CRX: variants seen among roughly 807,000 people sequenced by gnomAD.
CRX encodes cone-rod homeobox protein.
Under a neutral mutation model 13.1 loss-of-function variants are expected in CRX, and 5 were observed. The observed-to-expected ratio is 0.38, with a 90% CI of 0.20 to 0.80. CRX has a LOEUF of 0.80. Among genes scored for constraint, CRX ranks in the 30% least tolerant of loss-of-function variants. The pLI is 0.43. For synonymous variants in CRX, 179 were observed against 171.1 expected (o/e 1.05, Z -0.36); for missense variants, 351 against 391.8 (o/e 0.90, Z 0.88).
chr19:47,830,296 G>C (rs1266745272), intron 1 of CRX, among the ~76,000 whole-genome samples: 2 of 151,360 alleles, frequency 1.3e-5, no homozygotes, highest in African/African-American at 4.9e-5. Flanking sequence ...ATGACAGAGG[G>C]AGACCTTGTC....
At chr19:47,837,137 A>G (rs1423081503) in intron 3 of CRX, among the ~76,000 whole-genome samples, 1 of 152,166 alleles carries the variant, frequency 6.6e-6, no homozygotes, top group African/African-American at 2.4e-5. Flanking sequence ...GTGCACATGT[A>G]TGTATACATG....
intron 1 of CRX, among the ~76,000 whole-genome samples, chr19:47,823,121 C>T (rs8112377): frequency 0.33 from 50,707 of 151,862 alleles, 9,896 homozygotes; most frequent in East Asian, 0.79. Context: ...TCTTGATTGA[C>T]ACCTTGTTTC....
At position 47,828,612 on chromosome 19, in the gene CRX, AGC is replaced by A. The variant is rs969448007; in HGVS notation, c.-35-5795_-35-5794del. Among the ~76,000 whole-genome samples, 22 of 149,624 alleles carry A rather than the reference AGC, an allele frequency of 1.5e-4. No individual in the cohort carries two copies. The Middle Eastern group carries it at 0.014, about 93-fold the overall frequency. On this transcript the variant is annotated intron_variant, in intron 1 of 3. Transcript: ENST00000221996. ...GTGTCTTGAAGAAAAGGAGGTAGGG[AGC>A]GTGTGTGTGTGTGTGTAAAATCCAG...
chr19:47,834,926 AC>A (rs1463336969), intron 2 of CRX, among the ~76,000 whole-genome samples: 1 of 148,092 alleles, frequency 6.8e-6, no homozygotes, highest in African/African-American at 2.5e-5. Context: ...CAATCCTCCC[AC>A]CTCAGCCTCC....
intron 1 of CRX, among the ~76,000 whole-genome samples, chr19:47,824,841 T>C: frequency 6.6e-6 from 1 of 151,956 alleles, no homozygotes; most frequent in East Asian, 1.9e-4. Flanking sequence ...TTCCACCCCT[T>C]GAAATCATAA....
intron 1 of CRX, 99 bp from the exon 2 acceptor site, chr19:47,834,310 C>T: frequency 1.3e-6 from 1 of 749,272 alleles, no homozygotes; most frequent in Non-Finnish European, 2.4e-6. Context: ...AGGTCACATA[C>T]CTAAGAGGAG....
At chr19:47,830,077 G>A (rs1051914170) in intron 1 of CRX, among the ~76,000 whole-genome samples, 16 of 149,158 alleles carry the variant, frequency 1.1e-4, no homozygotes, top group African/African-American at 3.9e-4. Context: ...AATATATATG[G>A]TTTGGTCATA....
chr19:47,828,111 G>GC (rs1447915417), intron 1 of CRX, among the ~76,000 whole-genome samples: 3 of 151,520 alleles, frequency 2.0e-5, no homozygotes, highest in South Asian at 4.2e-4. Flanking sequence ...CCGAGATCAA[G>GC]CCATTGCACT....
At chr19:47,830,223 C>G (rs565783891) in intron 1 of CRX, among the ~76,000 whole-genome samples, 3 of 151,732 alleles carry the variant, frequency 2.0e-5, no homozygotes, top group African/African-American at 7.2e-5. Context: ...GTGGGAAGAT[C>G]ACTTGAGCCC....
At chr19:47,825,599 T>C (rs1281159975) in intron 1 of CRX, among the ~76,000 whole-genome samples, 2 of 152,138 alleles carry the variant, frequency 1.3e-5, no homozygotes, top group Admixed American at 1.3e-4. Context: ...TTCCTCCTGC[T>C]GAGCCTCCTC....
chr19:47,841,697 T>C lies in CRX; in HGVS notation c.*1730T>C, dbSNP rs906206710. The stretch of plus-strand genomic sequence containing the variant: ...AATAGAATCTTACTTATGGTGACAC[T>C]GGCAAGCACTTGTGAGAACCTGAAG... On this transcript the variant is annotated 3_prime_UTR_variant, in exon 4 of 4. Coordinates refer to ENST00000221996, the MANE Select transcript of CRX (RefSeq NM_000554.6). The C allele has an allele frequency of 1.3e-5, 2 of 151,752 alleles. No homozygotes were observed. The highest frequency in any genetic ancestry group is 4.8e-5 in the African/African-American group (2 of 41,302). 9.4% of individuals were successfully genotyped at this position (151,752 alleles called of 1,614,324 possible).
At position 47,842,843 on chromosome 19, in the gene CRX, C is replaced by T. The variant is rs887555650; in HGVS notation, c.*2876C>T. On this transcript the variant is annotated 3_prime_UTR_variant, in exon 4 of 4. Coordinates refer to ENST00000221996, the MANE Select transcript of CRX (RefSeq NM_000554.6). ...GGACTCAGGCGTGGAAGAGAATCTT[C>T]TCCTTATTCACCGGGGAGGCTGTGT... is the stretch of plus-strand genomic sequence containing the variant. The T allele has an allele frequency of 2.0e-5, 3 of 152,264 alleles. No individual in the cohort carries two copies. Among genetic ancestry groups the T allele is most frequent in the African/African-American group, 2.4e-5 (1 of 41,414 alleles). 9.4% of individuals were successfully genotyped at this position (152,264 alleles called of 1,614,324 possible). A position where few individuals can be genotyped will look rare whatever the true frequency, so the allele number is the denominator to read the frequency against.
Position 47,834,351 on chromosome 19 carries a change from C to T in CRX, c.-35-58C>T, listed in dbSNP as rs896410892. The T allele has an allele frequency of 3.1e-4, 305 of 987,674 alleles. 3 individuals carry two copies. The Admixed American group carries it at 4.8e-3, about 16-fold the overall frequency. 61.2% of individuals were successfully genotyped at this position (987,674 alleles called of 1,614,324 possible). On this transcript the variant is annotated intron_variant, in intron 1 of 3. Coordinates refer to ENST00000221996, the MANE Select transcript of CRX (RefSeq NM_000554.6). Reference sequence around the variant, plus strand: ...GGCAGGATTTGAATCGCAGCCTGCACGTCACCCCATGGTGAGTAACTGGTA... The same window carrying T: ...GGCAGGATTTGAATCGCAGCCTGCATGTCACCCCATGGTGAGTAACTGGTA...
rs754128724 is a variant in CRX at position 47,839,313 on chromosome 19, C to G, written c.253-7C>G. The G allele has an allele frequency of 6.8e-6, 11 of 1,612,662 alleles. No homozygotes were observed. Among genetic ancestry groups the G allele is most frequent in the South Asian group, 1.1e-5 (1 of 91,012 alleles). ...TACCCACCCCCATCTCCGCTCTTAT[C>G]CCCCAGGTTTGGTTCAAGAACCGGA... On this transcript the variant is annotated splice_region_variant and splice_polypyrimidine_tract_variant and intron_variant, in intron 3 of 3. Transcript: ENST00000221996. The surrounding 1 kb of genome is among the most constrained non-coding windows in gnomAD (Gnocchi z 4.6).
Position 47,821,989 on chromosome 19 carries a change from G to A in CRX, c.-57G>A, listed in dbSNP as rs1325906725. ...TGTCTAGGTCCTGGGCCACGGGAGA[G>A]CCCCGTCCCTCCTTTCTGAAGGTGA... On this transcript the variant is annotated 5_prime_UTR_variant, in exon 1 of 4. Coordinates refer to ENST00000221996, the MANE Select transcript of CRX (RefSeq NM_000554.6). 1 of 152,758 alleles carries A rather than the reference G, an allele frequency of 6.5e-6. No individual in the cohort carries two copies. Among genetic ancestry groups the A allele is most frequent in the Non-Finnish European group, 1.5e-5 (1 of 68,130 alleles). 9.5% of individuals were successfully genotyped at this position (152,758 alleles called of 1,614,324 possible).
rs774344094 is a variant in CRX, at chr19:47,834,485, C to T, written c.42C>T (p.Asn14=). Reference sequence around the variant, plus strand: ...ACCCGGGGCCCCACTATTCTGTCAACGCCTTGGCCCTAAGTGGCCCCAGTG... The same window carrying T: ...ACCCGGGGCCCCACTATTCTGTCAATGCCTTGGCCCTAAGTGGCCCCAGTG... The part of the protein sequence containing the change: ...YMNPGPHYSV[N]ALALSGPSVD... Residue 14 remains asparagine, a synonymous_variant, in exon 2 of 4, where the codon AAC becomes AAT. Transcript: ENST00000221996. 125 of 1,614,096 alleles carry T rather than the reference C, an allele frequency of 7.7e-5. No homozygotes were observed. Among genetic ancestry groups the T allele is most frequent in the Non-Finnish European group, 9.0e-5 (106 of 1,180,052 alleles).
Position 47,824,990 on chromosome 19 carries a change from A to ATTTTTTTT in CRX, c.-36+2991_-36+2998dup, listed in dbSNP as rs11374819. On this transcript the variant is annotated intron_variant, in intron 1 of 3. Transcript: ENST00000221996. ...AGACAGGTCCTCTTTCGATTGATTG[A>ATTTTTTTT]TTTTTTTTTTTTTTTTTTGGGATGG... Among the ~76,000 whole-genome samples the ATTTTTTTT allele has an allele frequency of 5.8e-3, 577 of 100,298 alleles. 13 individuals carry two copies. Among genetic ancestry groups the ATTTTTTTT allele is most frequent in the Middle Eastern group, 8.6e-3 (1 of 116 alleles). 65.8% of individuals were successfully genotyped at this position (100,298 alleles called of 152,430 possible).
chr19:47,836,353 G>A lies in CRX; in HGVS notation c.211G>A (p.Glu71Lys), dbSNP rs1206525536. 16 of 1,614,118 alleles carry A rather than the reference G, an allele frequency of 9.9e-6. No individual in the cohort carries two copies. The highest frequency in any genetic ancestry group is 1.4e-5 in the Non-Finnish European group (16 of 1,180,050). Reference sequence around the variant, plus strand: ...GTACCCAGACGTCTATGCCCGTGAGGAGGTGGCTCTGAAGATCAATCTGCC... The same window carrying A: ...GTACCCAGACGTCTATGCCCGTGAGAAGGTGGCTCTGAAGATCAATCTGCC... ...TQYPDVYARE[E>K]VALKINLPES... The change falls in exon 3 of 4, where the codon GAG becomes AAG. Residue 71 changes from glutamate (E) to lysine (K), a missense_variant. By Grantham distance (56) the Glu-to-Lys change is moderately conservative. This residue lies in a region of CRX where 95 missense variants were observed against 106.7 expected (regional missense o/e 0.89). Transcript: ENST00000221996.
At chr19:47,828,544 A>C (rs1482143179) in intron 1 of CRX, among the ~76,000 whole-genome samples, 1 of 152,020 alleles carries the variant, frequency 6.6e-6, no homozygotes, top group Admixed American at 6.6e-5. Context: ...TGAGGGAGAG[A>C]GATAGATAAA....
Sources: allele counts gnomAD v4.1 joint callset (sites outside exome capture counted in the v4.1 genomes callset), GRCh38; gene constraint gnomAD v4.1.1; regional missense constraint gnomAD v4.1.1; non-coding constraint Gnocchi (gnomAD v3.1); transcripts MANE v1.5; gene names NCBI Gene and HGNC (gene_info 2026-07-23, HGNC 2026-07-21).